Variants in CDKAL1 observed in about 807,000 individuals in gnomAD.
CDKAL1 encodes CDKAL1 threonylcarbamoyladenosine tRNA methylthiotransferase, also known as threonylcarbamoyladenosine tRNA methylthiotransferase.
CDKAL1 carries 32 observed loss-of-function variants against 68.2 expected under a neutral mutation model. The ratio of observed to expected loss-of-function variants is 0.47; its 90% CI spans 0.35 to 0.63. CDKAL1 has a LOEUF of 0.63. CDKAL1 is among the 30% of genes least tolerant of loss of function. The pLI is 0.00. For missense variants in CDKAL1, 606 were observed against 696.7 expected (o/e 0.87, Z 1.47); for synonymous variants, 234 against 244.3 (o/e 0.96, Z 0.39).
chr6:20,672,871 G>A (rs1284814271), intron 5 of CDKAL1, among the ~76,000 whole-genome samples: 1 of 151,870 alleles, frequency 6.6e-6, no homozygotes, highest in African/African-American at 2.4e-5. Context: ...CTGCCCCCCG[G>A]GTTCAAGTGA....
intron 12 of CDKAL1, among the ~76,000 whole-genome samples, chr6:21,087,965 G>T (rs765418172): frequency 1.3e-5 from 2 of 152,188 alleles, no homozygotes; most frequent in East Asian, 3.9e-4. Flanking sequence ...GTTTTTATAT[G>T]TACAGGATGG....
At chr6:20,898,319 C>T (rs1334143220) in intron 9 of CDKAL1, among the ~76,000 whole-genome samples, 2 of 150,922 alleles carry the variant, frequency 1.3e-5, no homozygotes, top group East Asian at 3.9e-4. Flanking sequence ...TCATTCACGT[C>T]CCTCACCTCC....
intron 15 of CDKAL1, among the ~76,000 whole-genome samples, chr6:21,207,159 T>C (rs2151114348): frequency 6.6e-6 from 1 of 152,202 alleles, no homozygotes; most frequent in Non-Finnish European, 1.5e-5. Context: ...GTGATCCACC[T>C]GCCTCAGCCT....
At chr6:20,950,945 G>A (rs1029279628) in intron 9 of CDKAL1, among the ~76,000 whole-genome samples, 6 of 151,028 alleles carry the variant, frequency 4.0e-5, no homozygotes, top group Admixed American at 3.3e-4. Flanking sequence ...ACTCCAGCCT[G>A]GGTGACAGAG....
intron 13 of CDKAL1, among the ~76,000 whole-genome samples, chr6:21,159,580 T>C (rs1333063266): frequency 6.6e-6 from 1 of 152,250 alleles, no homozygotes; most frequent in Non-Finnish European, 1.5e-5. Flanking sequence ...GCAGAGGCCA[T>C]GCCTGGCCTA....
At chr6:20,686,142 C>T (rs181659220) in intron 5 of CDKAL1, among the ~76,000 whole-genome samples, 6 of 151,024 alleles carry the variant, frequency 4.0e-5, no homozygotes, top group East Asian at 1.9e-4. Flanking sequence ...ATTTCATCTG[C>T]GAACAAAGAC....
intron 9 of CDKAL1, among the ~76,000 whole-genome samples, chr6:20,942,608 C>G (rs1051386908): frequency 2.7e-5 from 4 of 149,776 alleles, no homozygotes; most frequent in African/African-American, 9.7e-5. Flanking sequence ...CTCAGGTGAT[C>G]TGCCTGCCTT....
intron 7 of CDKAL1, among the ~76,000 whole-genome samples, chr6:20,778,183 A>G (rs2150371075): frequency 6.6e-6 from 1 of 152,350 alleles, no homozygotes; most frequent in South Asian, 2.1e-4. Context: ...AACATGTGGA[A>G]GAAAACACAG....
At chr6:20,814,040 G>T (rs1776935918) in intron 8 of CDKAL1, among the ~76,000 whole-genome samples, 1 of 151,884 alleles carries the variant, frequency 6.6e-6, no homozygotes, top group South Asian at 2.1e-4. Flanking sequence ...TTACAGTATT[G>T]AGTTTTCTCA....
At chr6:20,701,575 T>C (rs1771361415) in intron 5 of CDKAL1, among the ~76,000 whole-genome samples, 1 of 152,144 alleles carries the variant, frequency 6.6e-6, no homozygotes, top group South Asian at 2.1e-4. Flanking sequence ...AGGATGCTTG[T>C]GGAACCTTTA....
At chr6:20,772,390 G>A (rs1774983917) in intron 7 of CDKAL1, among the ~76,000 whole-genome samples, 1 of 152,134 alleles carries the variant, frequency 6.6e-6, no homozygotes, top group African/African-American at 2.4e-5. Context: ...CTGTTCTGAT[G>A]TACATTTGAT....
At chr6:21,210,140 C>T (rs1779097238) in intron 15 of CDKAL1, among the ~76,000 whole-genome samples, 1 of 152,104 alleles carries the variant, frequency 6.6e-6, no homozygotes, top group Non-Finnish European at 1.5e-5. Flanking sequence ...CCTATAAATT[C>T]CAAAAGTTGA....
intron 5 of CDKAL1, among the ~76,000 whole-genome samples, chr6:20,733,266 A>G (rs1188148896): frequency 2.0e-5 from 3 of 152,200 alleles, no homozygotes; most frequent in East Asian, 1.9e-4. Context: ...TCCCTTTTAC[A>G]TGAAAACTTG....
chr6:20,937,878 TTTAA>T (rs1763795334), intron 9 of CDKAL1, among the ~76,000 whole-genome samples: 1 of 151,902 alleles, frequency 6.6e-6, no homozygotes, highest in Non-Finnish European at 1.5e-5. Context: ...TTTTTTTCAT[TTTAA>T]TTAATAAGTG....
intron 5 of CDKAL1, among the ~76,000 whole-genome samples, chr6:20,697,810 C>A (rs1332952117): frequency 1.3e-5 from 2 of 152,176 alleles, no homozygotes; most frequent in African/African-American, 4.8e-5. Flanking sequence ...ACTCAGGCCC[C>A]ATTCTGCTAC....
chr6:21,143,095 G>A (rs1487478979), intron 13 of CDKAL1, among the ~76,000 whole-genome samples: 6 of 152,214 alleles, frequency 3.9e-5, no homozygotes, highest in Non-Finnish European at 8.8e-5. Flanking sequence ...GGCTCAAAAT[G>A]TAGGGAACGT....
intron 6 of CDKAL1, chr6:20,756,597 G>A (rs1001705671): frequency 3.9e-5 from 6 of 152,200 alleles, no homozygotes; most frequent in African/African-American, 7.2e-5. Context: ...ATGCATCTCC[G>A]GTTGGGTAGG....
chr6:20,630,300 GC>G (rs1190055047), intron 4 of CDKAL1, among the ~76,000 whole-genome samples: 7 of 152,018 alleles, frequency 4.6e-5, no homozygotes, highest in African/African-American at 1.5e-4. Context: ...TCCTGTGTGT[GC>G]CCTGACACCC....
chr6:20,584,231 T>C (rs76725044), intron 4 of CDKAL1, among the ~76,000 whole-genome samples: 3,508 of 152,208 alleles, frequency 0.023, 149 homozygotes, highest in African/African-American at 0.08. Flanking sequence ...CTGTGGTGTC[T>C]GTAAGTCTGG....
Sources: allele counts gnomAD v4.1 joint callset (sites outside exome capture counted in the v4.1 genomes callset), GRCh38; gene constraint gnomAD v4.1.1; transcripts MANE v1.5; gene names NCBI Gene and HGNC (gene_info 2026-07-23, HGNC 2026-07-21).